The following GRIN2B variants were observed in gnomAD, a reference collection of about 807,000 sequenced individuals.
GRIN2B encodes glutamate ionotropic receptor NMDA type subunit 2B, also known as glutamate receptor ionotropic, NMDA 2B.
Under a neutral mutation model 114.5 loss-of-function variants are expected in GRIN2B, and 5 were observed. The ratio of observed to expected loss-of-function variants is 0.04; its 90% CI spans 0.02 to 0.09. The LOEUF (loss-of-function observed/expected upper bound fraction) is 0.09, where lower values mean the gene tolerates loss of function less well. Among genes scored for constraint, GRIN2B ranks in the 10% least tolerant of loss-of-function variants. GRIN2B has a pLI of 1.00. For synonymous variants in GRIN2B, 787 were observed against 745.1 expected (o/e 1.06, Z -0.92); for missense variants, 1,108 against 1,943.5 (o/e 0.57, Z 8.08).
chr12:13,598,094 T>G (rs906105360), intron 10 of GRIN2B, among the ~76,000 whole-genome samples: 6 of 152,212 alleles, frequency 3.9e-5, no homozygotes, highest in Non-Finnish European at 7.4e-5. Flanking sequence ...CTTCCTTGGC[T>G]GGCACCGCAG....
chr12:13,573,307 C>T lies in GRIN2B; in HGVS notation c.2011-1343G>A, dbSNP rs990419042. On this transcript the variant is annotated intron_variant, in intron 10 of 13. Transcript: ENST00000609686. ...TCTACTAAAAATACAAAAAACTAGC[C>T]GAGCGTGGTGGCAGGCACCTGTAGT... Among the ~76,000 whole-genome samples, 8 of 148,722 alleles carry T rather than the reference C, an allele frequency of 5.4e-5. 1 individual carries two copies. The highest frequency in any genetic ancestry group is 1.3e-4 in the African/African-American group (5 of 39,782).
intron 2 of GRIN2B, among the ~76,000 whole-genome samples, chr12:13,945,832 G>A (rs1233107879): frequency 6.6e-6 from 1 of 152,152 alleles, no homozygotes; most frequent in African/African-American, 2.4e-5. Context: ...GTCATACTTG[G>A]AAGTAAACCA....
At chr12:13,825,752 G>T (rs1009041249) in intron 3 of GRIN2B, among the ~76,000 whole-genome samples, 1 of 151,754 alleles carries the variant, frequency 6.6e-6, no homozygotes, top group African/African-American at 2.4e-5. Context: ...CTTGACCTCA[G>T]GTGATCTGCC....
At chr12:13,719,247 C>A (rs1290354344) in intron 4 of GRIN2B, among the ~76,000 whole-genome samples, 1 of 152,078 alleles carries the variant, frequency 6.6e-6, no homozygotes, top group Non-Finnish European at 1.5e-5. Flanking sequence ...TCAGTCCCCT[C>A]TATAAATATA....
chr12:13,539,297 A>G lies in GRIN2B; in HGVS notation c.*23486T>C, dbSNP rs1002819199. 1 of 152,218 alleles carries G rather than the reference A, an allele frequency of 6.6e-6. No individual in the cohort carries two copies. Among genetic ancestry groups the G allele is most frequent in the African/African-American group, 2.4e-5 (1 of 41,464 alleles). 9.4% of individuals were successfully genotyped at this position (152,218 alleles called of 1,614,324 possible). On this transcript the variant is annotated 3_prime_UTR_variant, in exon 14 of 14. Transcript: ENST00000609686. ...TGGCCATGAGACAGAGTTCTTCTAA[A>G]TGGTCTCTAGAAGGTCCTTTCCAGT...
chr12:13,574,265 C>T (rs1355152219), intron 10 of GRIN2B, among the ~76,000 whole-genome samples: 1 of 152,198 alleles, frequency 6.6e-6, no homozygotes, highest in Non-Finnish European at 1.5e-5. Context: ...AAGAGACAGA[C>T]ACCAGAATGC....
chr12:13,710,554 C>T (rs1320518900), intron 4 of GRIN2B, among the ~76,000 whole-genome samples: 2 of 152,028 alleles, frequency 1.3e-5, no homozygotes, highest in Non-Finnish European at 2.9e-5. Flanking sequence ...AATCAATGTG[C>T]AAAAATCACA....
At chr12:13,602,422 A>G (rs1949173057) in intron 10 of GRIN2B, among the ~76,000 whole-genome samples, 1 of 152,204 alleles carries the variant, frequency 6.6e-6, no homozygotes, top group Non-Finnish European at 1.5e-5. Context: ...GTTCTGGGCC[A>G]GGAAAAGGGT....
intron 3 of GRIN2B, among the ~76,000 whole-genome samples, chr12:13,803,068 A>G (rs1003020870): frequency 3.3e-5 from 5 of 152,144 alleles, no homozygotes; most frequent in African/African-American, 1.2e-4. Context: ...ACTTCCACTT[A>G]ATGAATAGTA....
Position 13,780,396 on chromosome 12 carries a change from C to T in GRIN2B, c.412-26481G>A, listed in dbSNP as rs1033549392. On this transcript the variant is annotated intron_variant, in intron 3 of 13. Coordinates refer to ENST00000609686, the MANE Select transcript of GRIN2B (RefSeq NM_000834.5). The stretch of plus-strand genomic sequence containing the variant: ...AGAGAAACACGTTCATTATAATTTA[C>T]CCTCCCAAATATTGCAGAATGTTAT... Among the ~76,000 whole-genome samples, 6 of 152,202 alleles carry T rather than the reference C, an allele frequency of 3.9e-5. No individual in the cohort carries two copies. The East Asian group carries it at 5.8e-4, about 15-fold the overall frequency.
At chr12:13,720,569 G>T (rs1950499125) in intron 4 of GRIN2B, among the ~76,000 whole-genome samples, 1 of 152,070 alleles carries the variant, frequency 6.6e-6, no homozygotes, top group Non-Finnish European at 1.5e-5. Context: ...TCTACCAGCA[G>T]ATTTCTAAAG....
chr12:13,712,400 A>G (rs893086919), intron 4 of GRIN2B, among the ~76,000 whole-genome samples: 1 of 151,486 alleles, frequency 6.6e-6, no homozygotes, highest in African/African-American at 2.4e-5. Context: ...TAAAAATAAA[A>G]TAAAATATAT....
intron 3 of GRIN2B, among the ~76,000 whole-genome samples, chr12:13,855,660 T>C (rs1239615522): frequency 6.6e-6 from 1 of 152,134 alleles, no homozygotes; most frequent in Non-Finnish European, 1.5e-5. Context: ...CTGTGTCTTC[T>C]CCTCTTCTGT....
intron 2 of GRIN2B, among the ~76,000 whole-genome samples, chr12:13,932,976 T>TGC (rs1867062576): frequency 6.9e-6 from 1 of 144,404 alleles, no homozygotes; most frequent in Admixed American, 7.1e-5. Flanking sequence ...TGTGTGTGTG[T>TGC]GTGTGTGTGT....
intron 2 of GRIN2B, among the ~76,000 whole-genome samples, chr12:13,942,606 A>G (rs1478549844): frequency 6.6e-6 from 1 of 152,230 alleles, no homozygotes; most frequent in East Asian, 1.9e-4. Context: ...TTAATTAATG[A>G]TATCCTAATA....
At chr12:13,940,201 C>A (rs1219574306) in intron 2 of GRIN2B, among the ~76,000 whole-genome samples, 1 of 152,074 alleles carries the variant, frequency 6.6e-6, no homozygotes, top group Non-Finnish European at 1.5e-5. Flanking sequence ...ATCCCATTCA[C>A]CCCTCAGTGC....
chr12:13,874,631 G>T (rs950398897), intron 2 of GRIN2B, among the ~76,000 whole-genome samples: 2 of 152,150 alleles, frequency 1.3e-5, no homozygotes, highest in African/African-American at 4.8e-5. Flanking sequence ...ACCTGATTCT[G>T]ATTATTACCA....
intron 2 of GRIN2B, chr12:13,977,269 T>A (rs1214007701): frequency 1.3e-5 from 2 of 152,166 alleles, no homozygotes; most frequent in Non-Finnish European, 2.9e-5. Context: ...CAGACAGGCT[T>A]CCTAGGGATG....
At chr12:13,838,609 C>T (rs1206995019) in intron 3 of GRIN2B, among the ~76,000 whole-genome samples, 1 of 152,202 alleles carries the variant, frequency 6.6e-6, no homozygotes, top group Non-Finnish European at 1.5e-5. Flanking sequence ...ACCCCCCCAT[C>T]TTATCTATTC....
Sources: allele counts gnomAD v4.1 joint callset (sites outside exome capture counted in the v4.1 genomes callset), GRCh38; gene constraint gnomAD v4.1.1; transcripts MANE v1.5; gene names NCBI Gene and HGNC (gene_info 2026-07-23, HGNC 2026-07-21).